MAPK10: variants seen among roughly 807,000 people sequenced by gnomAD.
MAPK10 encodes mitogen-activated protein kinase 10.
In MAPK10, 25 loss-of-function variants were observed where a neutral mutation model predicts 59.3. The ratio of observed to expected loss-of-function variants is 0.42; its 90% CI spans 0.31 to 0.59. MAPK10 has a LOEUF of 0.59. Among genes scored for constraint, MAPK10 ranks in the 20% least tolerant of loss-of-function variants. MAPK10 has a pLI of 0.15. For synonymous variants in MAPK10, 190 were observed against 200.5 expected (o/e 0.95, Z 0.44); for missense variants, 351 against 568.9 (o/e 0.62, Z 3.90).
In MAPK10 at chr4:86,557,145, A is replaced by G. The variant is rs114053548; in HGVS notation, c.-263+36765T>C. 4.2e-3 allele frequency among the ~76,000 whole-genome samples: 632 copies of G among 152,204 alleles called. 1 individual carries two copies. Among genetic ancestry groups the G allele is most frequent in the African/African-American group, 0.014 (574 of 41,554 alleles). Reference sequence around the variant, plus strand: ...TTGGGATTAAAAAAAAATGAGTAAAAAAGAAATATGAAGTGGACCATTAGT... The same window carrying G: ...TTGGGATTAAAAAAAAATGAGTAAAGAAGAAATATGAAGTGGACCATTAGT... On this transcript the variant is annotated intron_variant, in intron 1 of 4. Coordinates refer to the MAPK10 transcript ENST00000502302.
intron 4 of MAPK10, among the ~76,000 whole-genome samples, chr4:86,135,000 C>G (rs1009497756): frequency 2.0e-5 from 3 of 152,192 alleles, no homozygotes; most frequent in African/African-American, 7.2e-5. Flanking sequence ...CGGCGCACCA[C>G]GAGATTATAT....
chr4:86,367,318 A>G (rs563701406), intron 1 of MAPK10, among the ~76,000 whole-genome samples: 1 of 152,300 alleles, frequency 6.6e-6, no homozygotes, highest in African/African-American at 2.4e-5. Flanking sequence ...CTATGATTTC[A>G]CAGAATGCCT....
chr4:86,324,400 A>G (rs2095973603), intron 2 of MAPK10, among the ~76,000 whole-genome samples: 1 of 152,006 alleles, frequency 6.6e-6, no homozygotes, highest in African/African-American at 2.4e-5. Flanking sequence ...AACAAGAGCA[A>G]GGGAAACTCC....
intron 1 of MAPK10, among the ~76,000 whole-genome samples, chr4:86,467,513 TTTTGTTTG>T (rs58369823): frequency 1.3e-5 from 2 of 150,804 alleles, no homozygotes; most frequent in African/African-American, 4.9e-5. Flanking sequence ...AAAACAGCAT[TTTTGTTTG>T]TTTGTTTGTT....
At chr4:86,440,553 C>A (rs1349073773) in intron 1 of MAPK10, among the ~76,000 whole-genome samples, 1 of 151,366 alleles carries the variant, frequency 6.6e-6, no homozygotes, top group Non-Finnish European at 1.5e-5. Flanking sequence ...TTGTTTGAGC[C>A]CAGAAGGTTG....
intron 2 of MAPK10, among the ~76,000 whole-genome samples, chr4:86,258,030 T>C (rs754027157): frequency 6.6e-6 from 1 of 152,136 alleles, no homozygotes; most frequent in African/African-American, 2.4e-5. Flanking sequence ...AAAGTCACAA[T>C]GCTCAATCGT....
chr4:86,359,607 C>T (rs1039790781), intron 1 of MAPK10, 51 bp downstream of exon 1: 4 of 887,298 alleles, frequency 4.5e-6, no homozygotes, highest in Admixed American at 6.2e-5. Flanking sequence ...TAGACATCAC[C>T]CCACCCTCCA....
intron 2 of MAPK10, among the ~76,000 whole-genome samples, chr4:86,298,359 C>A (rs2148838131): frequency 6.6e-6 from 1 of 152,198 alleles, no homozygotes; most frequent in African/African-American, 2.4e-5. Flanking sequence ...GAATGATACT[C>A]AATAATACAA....
At chr4:86,167,373 C>T (rs192715953) in intron 3 of MAPK10, among the ~76,000 whole-genome samples, 212 of 152,246 alleles carry the variant, frequency 1.4e-3, no homozygotes, top group Non-Finnish European at 2.5e-3. Context: ...TTTTATGAGG[C>T]CAGCATCATC....
At chr4:86,528,970 G>A (rs1210520354) in intron 1 of MAPK10, among the ~76,000 whole-genome samples, 1 of 152,154 alleles carries the variant, frequency 6.6e-6, no homozygotes, top group Non-Finnish European at 1.5e-5. Flanking sequence ...GGTGGGGTGG[G>A]GGAAGTAGGG....
intron 1 of MAPK10, among the ~76,000 whole-genome samples, chr4:86,378,503 A>C (rs543081610): frequency 6.6e-6 from 1 of 152,192 alleles, no homozygotes; most frequent in African/African-American, 2.4e-5. Flanking sequence ...CGACATATTA[A>C]ATGTTGATAT....
At position 86,467,513 on chromosome 4, in the gene MAPK10, T is replaced by TTTTTTTTGTTTG. The variant is rs113497398; in HGVS notation, c.-262-112870_-262-112869insCAAACAAAAAAA. ...GCCCTGTTATCCTGGAAAACAGCAT[T>TTTTTTTTGTTTG]TTTGTTTGTTTGTTTGTTTGTTTTT... is the stretch of plus-strand genomic sequence containing the variant. On this transcript the variant is annotated intron_variant, in intron 1 of 4. Coordinates refer to the MAPK10 transcript ENST00000502302. Among the ~76,000 whole-genome samples the TTTTTTTTGTTTG allele has an allele frequency of 8.6e-3, 1,291 of 150,920 alleles. 11 individuals are homozygous for TTTTTTTTGTTTG. The highest frequency in any genetic ancestry group is 0.031 in the Middle Eastern group (9 of 294).
At chr4:86,325,355 T>G (rs1578271312) in intron 2 of MAPK10, among the ~76,000 whole-genome samples, 1 of 152,324 alleles carries the variant, frequency 6.6e-6, no homozygotes, top group African/African-American at 2.4e-5. Flanking sequence ...TTATCTCCAT[T>G]CAAAAGAAAA....
chr4:86,594,032 G>A (rs1300952004), exon 1 of MAPK10: 2 of 152,378 alleles, frequency 1.3e-5, no homozygotes, highest in African/African-American at 4.8e-5. Context: ...CACTGCAGGC[G>A]CTAGGAACTC....
intron 1 of MAPK10, among the ~76,000 whole-genome samples, chr4:86,545,463 T>C (rs185968900): frequency 6.6e-6 from 1 of 152,280 alleles, no homozygotes; most frequent in Non-Finnish European, 1.5e-5. Flanking sequence ...TCCATGGTGG[T>C]GAAGGCCGTG....
chr4:86,374,811 C>A (rs768170689), intron 1 of MAPK10, among the ~76,000 whole-genome samples: 2 of 152,160 alleles, frequency 1.3e-5, no homozygotes, highest in Non-Finnish European at 2.9e-5. Flanking sequence ...TTCATATACA[C>A]AACGTAGAAG....
chr4:86,265,644 T>G (rs1169216274), intron 2 of MAPK10, among the ~76,000 whole-genome samples: 1 of 147,544 alleles, frequency 6.8e-6, no homozygotes, highest in African/African-American at 2.6e-5. Flanking sequence ...AAGGAAAGGG[T>G]TTTTCATTTT....
intron 2 of MAPK10, among the ~76,000 whole-genome samples, chr4:86,278,426 T>G (rs1361102608): frequency 1.3e-5 from 2 of 152,166 alleles, no homozygotes; most frequent in Non-Finnish European, 2.9e-5. Context: ...GTTAGTTATG[T>G]GTAGTTTAAG....
At chr4:86,133,012 C>A (rs1242642827) in intron 4 of MAPK10, among the ~76,000 whole-genome samples, 1 of 152,218 alleles carries the variant, frequency 6.6e-6, no homozygotes, top group Non-Finnish European at 1.5e-5. Context: ...GAAAAACTGT[C>A]TTCCACGAAA....
Sources: gnomAD v4.1 joint callset for allele counts (sites outside exome capture counted in the v4.1 genomes callset) on GRCh38, gnomAD v4.1.1 for gene constraint, MANE v1.5 for transcripts, NCBI Gene and HGNC (gene_info 2026-07-23, HGNC 2026-07-21) for gene names.